The following NT5E variants were observed in gnomAD, a reference collection of about 807,000 sequenced individuals.
NT5E encodes the protein 5'-nucleotidase ecto.
Under a neutral mutation model 55.1 loss-of-function variants are expected in NT5E, and 53 were observed. That is an observed-to-expected ratio of 0.96 (90% confidence interval 0.77 to 1.21). The LOEUF is 1.21. Among genes scored for constraint, NT5E ranks in the 50% most tolerant of loss-of-function variants. NT5E has a pLI of 0.00. For synonymous variants in NT5E, 270 were observed against 278.4 expected (o/e 0.97, Z 0.30); for missense variants, 683 against 724.3 (o/e 0.94, Z 0.65).
chr6:85,486,436 A>G (rs1157537100), intron 4 of NT5E, among the ~76,000 whole-genome samples: 1 of 152,196 alleles, frequency 6.6e-6, no homozygotes, highest in Non-Finnish European at 1.5e-5. Context: ...GAGGCCTAGA[A>G]GAGCGGCGGC....
intron 2 of NT5E, 113 bp from the exon 3 acceptor site, chr6:85,471,124 G>C: frequency 1.5e-6 from 1 of 654,522 alleles, no homozygotes; most frequent in Admixed American, 3.2e-5. Context: ...TGGTTTTACT[G>C]ACTCTTGAGC....
intron 3 of NT5E, among the ~76,000 whole-genome samples, chr6:85,482,285 A>G (rs1338478201): frequency 2.0e-5 from 3 of 152,106 alleles, no homozygotes; most frequent in Non-Finnish European, 4.4e-5. Context: ...GCTTGAGCCC[A>G]GGAATTGGAG....
At chr6:85,453,713 A>G (rs867790482) in intron 1 of NT5E, among the ~76,000 whole-genome samples, 8 of 152,204 alleles carry the variant, frequency 5.3e-5, no homozygotes, top group South Asian at 4.1e-4. Context: ...TCCTGCCCAT[A>G]AGGCTGCAGC....
rs570714428 is a variant in NT5E at position 85,487,350 on chromosome 6, C to T, written c.965C>T (p.Ala322Val). 238 of 1,613,284 alleles carry T rather than the reference C, an allele frequency of 1.5e-4. 4 individuals are homozygous for T. In the South Asian group the frequency reaches 2.5e-3, roughly 17 times the overall value. ...TTTCTTCTAGATCCAAGCATAAAAG[C>T]AGACATTAACAAATGGAGGATAAAA... is the stretch of plus-strand genomic sequence containing the variant. ...SSIPEDPSIK[A>V]DINKWRIKLD... Residue 322 changes from alanine (A) to valine (V), a missense_variant, in exon 5 of 9, where the codon GCA becomes GTA. Coordinates refer to ENST00000257770, the MANE Select transcript of NT5E (RefSeq NM_002526.4).
At chr6:85,475,808 G>A (rs751556459) in intron 3 of NT5E, among the ~76,000 whole-genome samples, 1 of 152,074 alleles carries the variant, frequency 6.6e-6, no homozygotes, top group African/African-American at 2.4e-5. Context: ...TTCTATAGCC[G>A]CAAGTTAAAG....
intron 1 of NT5E, among the ~76,000 whole-genome samples, chr6:85,458,024 C>G (rs912547893): frequency 6.6e-6 from 1 of 152,082 alleles, no homozygotes; most frequent in Non-Finnish European, 1.5e-5. Flanking sequence ...GCATCTAAGC[C>G]GAAATCAGCA....
In NT5E at chr6:85,493,875, CT is replaced by C; in HGVS notation, c.1597del (p.Ser533ProfsTer3). On this transcript the variant is annotated frameshift_variant, in exon 9 of 9. Transcript: ENST00000257770. LOFTEE classifies it high-confidence loss of function. ...ATATCAACGTGGTTTCTACATATAT[CT>C]CCAAAATGAAAGTAATTTATCCAGC... The part of the protein sequence containing the change: ...QDINVVSTYI[S>X]KMKVIYPAVE... The C allele has an allele frequency of 6.2e-7, 1 of 1,613,934 alleles. No homozygotes were observed. Among genetic ancestry groups the C allele is most frequent in the Non-Finnish European group, 8.5e-7 (1 of 1,179,904 alleles).
At chr6:85,493,735 A>C in intron 8 of NT5E, 106 bp from the exon 9 acceptor site, 5 of 902,156 alleles carry the variant, frequency 5.5e-6, no homozygotes, top group Admixed American at 2.1e-5. Context: ...GTGACACTTT[A>C]CCCCTGCTTA....
chr6:85,481,233 T>C (rs1260653921), intron 3 of NT5E, among the ~76,000 whole-genome samples: 5 of 152,196 alleles, frequency 3.3e-5, no homozygotes, highest in Admixed American at 6.5e-5. Flanking sequence ...ATACTGGCCC[T>C]GATCAGATTT....
chr6:85,485,532 T>A (rs1769635427), intron 4 of NT5E, 100 bp downstream of exon 4: 4 of 1,148,928 alleles, frequency 3.5e-6, no homozygotes, highest in Non-Finnish European at 3.9e-6. Flanking sequence ...AGGAAAAGAC[T>A]ATAATACTGT....
intron 5 of NT5E, among the ~76,000 whole-genome samples, chr6:85,487,731 A>G (rs1769698813): frequency 6.6e-6 from 1 of 152,234 alleles, no homozygotes; most frequent in South Asian, 2.1e-4. Context: ...AGCCTGGGCA[A>G]AAGAGCGAGA....
chr6:85,487,512 C>T, intron 5 of NT5E, 23 bp downstream of exon 5: 1 of 1,613,712 alleles, frequency 6.2e-7, no homozygotes, highest in Non-Finnish European at 8.5e-7. Flanking sequence ...CAGGAGTGGA[C>T]ATATGCTAGG....
chr6:85,492,054 C>T lies in NT5E; in HGVS notation c.1438C>T (p.Arg480Ter), dbSNP rs770356928. ...ATTAGATGTTCTTTGCACCAAGTGT[C>T]GAGTGCCCAGTTATGACCCTCTCAA... ...VKLDVLCTKCRVPSYDPLKMD... is the reference protein window; with the variant it reads ...VKLDVLCTKC The change falls in exon 8 of 9, where the codon CGA (arginine) becomes TGA (stop). Residue 480 changes from arginine to a stop codon, truncating the protein, a stop_gained. Coordinates refer to ENST00000257770, the MANE Select transcript of NT5E (RefSeq NM_002526.4). LOFTEE classifies it high-confidence loss of function. The T allele has an allele frequency of 7.4e-6, 12 of 1,614,132 alleles. No homozygotes were observed. Among genetic ancestry groups the T allele is most frequent in the Middle Eastern group, 3.3e-4 (2 of 6,062 alleles).
At chr6:85,470,230 C>T (rs1326759939) in intron 2 of NT5E, among the ~76,000 whole-genome samples, 2 of 152,176 alleles carry the variant, frequency 1.3e-5, no homozygotes. Flanking sequence ...CTAACAGAGC[C>T]AGTTGGAGGA....
chr6:85,490,629 G>A lies in NT5E; in HGVS notation c.1332G>A (p.Gln444=), dbSNP rs1320779561. 1 of 1,614,080 alleles carries A rather than the reference G, an allele frequency of 6.2e-7. No individual in the cohort carries two copies. Among genetic ancestry groups the A allele is most frequent in the South Asian group, 1.1e-5 (1 of 91,088 alleles). ...AFEHSVHRYG[Q]STGEFLQVGG... is the part of the protein sequence containing the mutation. ...AGCATAGCGTGCACCGCTACGGCCA[G>A]TCCACTGGAGAGTTCCTGCAGGTGG... Residue 444 remains glutamine, a synonymous_variant, in exon 7 of 9, where the codon CAG becomes CAA. Coordinates refer to ENST00000257770, the MANE Select transcript of NT5E (RefSeq NM_002526.4).
At chr6:85,467,746 T>G (rs1348818716) in intron 2 of NT5E, among the ~76,000 whole-genome samples, 1 of 152,156 alleles carries the variant, frequency 6.6e-6, no homozygotes, top group Non-Finnish European at 1.5e-5. Context: ...CATCTCGTTT[T>G]AATGACATTC....
Position 85,491,412 on chromosome 6 carries a change from A to C in NT5E, c.1361-565A>C, listed in dbSNP as rs1562146415. 3 of 324,458 alleles carry C rather than the reference A, an allele frequency of 9.2e-6. No homozygotes were observed. The East Asian group carries it at 2.5e-4, about 27-fold the overall frequency. The allele number at this position is 324,458 out of a possible 1,614,324, so 20.1% of individuals were successfully genotyped here. A position where few individuals can be genotyped will look rare whatever the true frequency, so the allele number is the denominator to read the frequency against. On this transcript the variant is annotated intron_variant, in intron 7 of 8. Transcript: ENST00000257770. ...TTTCCTGAGTTTTCCTCTGCAGAAC[A>C]CATTGCTGTTGAGACTGAAGGGCTA...
intron 7 of NT5E, 118 bp downstream of exon 7, chr6:85,490,775 A>C (rs1769766384): frequency 9.2e-7 from 1 of 1,087,568 alleles, no homozygotes; most frequent in Non-Finnish European, 1.4e-6. Context: ...ATTTTTCCCG[A>C]CCCAACACCA....
chr6:85,486,922 T>G (rs760325623), intron 4 of NT5E, among the ~76,000 whole-genome samples: 4 of 152,196 alleles, frequency 2.6e-5, no homozygotes, highest in African/African-American at 9.6e-5. Flanking sequence ...CAGGTGAGCC[T>G]GTAGTCACAA....
Sources: allele counts gnomAD v4.1 joint callset (sites outside exome capture counted in the v4.1 genomes callset), GRCh38; gene constraint gnomAD v4.1.1; transcripts MANE v1.5; gene names NCBI Gene and HGNC (gene_info 2026-07-23, HGNC 2026-07-21).